Variants in PCGF5 observed in about 807,000 individuals in gnomAD.
PCGF5 encodes polycomb group ring finger 5, also known as polycomb group RING finger protein 5.
PCGF5 carries 9 observed loss-of-function variants against 44.3 expected under a neutral mutation model. The ratio of observed to expected loss-of-function variants is 0.20; its 90% CI spans 0.12 to 0.35. The LOEUF is 0.35. PCGF5 is among the 10% of genes least tolerant of loss of function. PCGF5 has a pLI of 1.00. For synonymous variants in PCGF5, 95 were observed against 102.5 expected (o/e 0.93, Z 0.44); for missense variants, 146 against 305.3 (o/e 0.48, Z 3.89).
intron 1 of PCGF5, among the ~76,000 whole-genome samples, chr10:91,195,198 A>C (rs80301840): frequency 6.6e-6 from 1 of 152,092 alleles, no homozygotes; most frequent in Non-Finnish European, 1.5e-5. Flanking sequence ...AGGCCCACTT[A>C]AAGTTTGTGG....
chr10:91,193,491 A>G (rs2133217335), intron 1 of PCGF5, among the ~76,000 whole-genome samples: 1 of 149,282 alleles, frequency 6.7e-6, no homozygotes, highest in African/African-American at 2.4e-5. Context: ...TTCTAGACAG[A>G]GAGAACAGTG....
chr10:91,278,373 C>T lies in PCGF5; in HGVS notation c.*57C>T. ...CCTGCACTATTTGTTTACTCGTCAA[C>T]AGATTGCACAGTTAACGGTGTGTGG... is the stretch of plus-strand genomic sequence containing the variant. On this transcript the variant is annotated 3_prime_UTR_variant, in exon 10 of 10. Transcript: ENST00000336126. 6.9e-7 allele frequency: 1 copy of T among 1,448,080 alleles called. No homozygotes were observed. Among genetic ancestry groups the T allele is most frequent in the Middle Eastern group, 1.7e-4 (1 of 5,758 alleles). 89.7% of individuals were successfully genotyped at this position (1,448,080 alleles called of 1,614,324 possible).
chr10:91,259,697 C>G (rs1047755797), intron 6 of PCGF5, among the ~76,000 whole-genome samples: 3 of 152,106 alleles, frequency 2.0e-5, no homozygotes, highest in Admixed American at 6.6e-5. Context: ...TTTGACAAAC[C>G]TGACAAAAAC....
intron 6 of PCGF5, among the ~76,000 whole-genome samples, chr10:91,257,349 G>A (rs1357464555): frequency 1.3e-5 from 2 of 152,028 alleles, no homozygotes; most frequent in African/African-American, 4.8e-5. Context: ...CTTATACGTT[G>A]CTAGTGGGAA....
Position 91,261,343 on chromosome 10 carries a change from C to G in PCGF5, c.492C>G (p.Phe164Leu). Reference sequence around the variant, plus strand: ...TCCTTTAGGGTTTAATGAAGAAATTCATTCGATGTTCTACACGTGTAACTG... The same window carrying G: ...TCCTTTAGGGTTTAATGAAGAAATTGATTCGATGTTCTACACGTGTAACTG... ...DNVVKGLMKK[F>L]IRCSTRVTVG... Residue 164 changes from phenylalanine to leucine, a missense_variant, in exon 7 of 10, where the codon TTC becomes TTG. Phe to Leu is a conservative substitution (Grantham distance 22, BLOSUM62 0). Around this residue, in one of 3 missense-constraint regions of PCGF5, gnomAD observed 123 missense variants for 268.6 expected, o/e 0.46. Coordinates refer to ENST00000336126, the MANE Select transcript of PCGF5 (RefSeq NM_032373.5). 1 of 1,495,028 alleles carries G rather than the reference C, an allele frequency of 6.7e-7. No individual in the cohort carries two copies. Among genetic ancestry groups the G allele is most frequent in the Non-Finnish European group, 9.0e-7 (1 of 1,110,430 alleles). The allele number at this position is 1,495,028 out of a possible 1,614,324, so 92.6% of individuals were successfully genotyped here.
intron 1 of PCGF5, among the ~76,000 whole-genome samples, chr10:91,164,378 A>G (rs183570820): frequency 1.3e-5 from 2 of 152,294 alleles, no homozygotes; most frequent in African/African-American, 4.8e-5. Context: ...TTCTCGAAAG[A>G]GTTACAAAAT....
At position 91,280,039 on chromosome 10, in the gene PCGF5, TACTTTA is replaced by T. The variant is rs1321717540; in HGVS notation, c.*1729_*1734del. On this transcript the variant is annotated 3_prime_UTR_variant, in exon 10 of 10. Transcript: ENST00000336126. ...ACTTTGGTGAAAAAGGTTATGGCAA[TACTTTA>T]ACTTTGTTTTGTTACATTGTTTTTG... 6.6e-6 allele frequency: 1 copy of T among 152,054 alleles called. No homozygotes were observed. The highest frequency in any genetic ancestry group is 2.4e-5 in the African/African-American group (1 of 41,430). 9.4% of individuals were successfully genotyped at this position (152,054 alleles called of 1,614,324 possible).
intron 1 of PCGF5, among the ~76,000 whole-genome samples, chr10:91,204,458 A>T (rs1306025124): frequency 6.6e-6 from 1 of 152,102 alleles, no homozygotes; most frequent in Non-Finnish European, 1.5e-5. Context: ...TAGAATGCAG[A>T]CTCTATGATG....
rs1843471412 is a variant in PCGF5, at chr10:91,164,874, AC to A, written c.-184+1794del. On this transcript the variant is annotated intron_variant, in intron 1 of 9. Transcript: ENST00000614189. ...CTGCGCTTAATCGCTATCTGATCTT[AC>A]TTTGTTTAGGAGTTCTTTTAGTCTG... Among the ~76,000 whole-genome samples, 3 of 152,220 alleles carry A rather than the reference AC, an allele frequency of 2.0e-5. No homozygotes were observed. The South Asian group carries it at 6.2e-4, about 32-fold the overall frequency.
intron 2 of PCGF5, among the ~76,000 whole-genome samples, chr10:91,234,747 A>G (rs1290472892): frequency 6.6e-6 from 1 of 152,164 alleles, no homozygotes; most frequent in Admixed American, 6.5e-5. Context: ...AACTTTACAT[A>G]TATTATCTCC....
At chr10:91,166,452 G>C (rs751412465) in intron 1 of PCGF5, among the ~76,000 whole-genome samples, 8 of 152,328 alleles carry the variant, frequency 5.3e-5, no homozygotes, top group Middle Eastern at 3.4e-3. Flanking sequence ...GAAGTTTTCT[G>C]ACAACAGAAT....
At chr10:91,204,935 T>G (rs1485305650) in intron 1 of PCGF5, among the ~76,000 whole-genome samples, 1 of 152,234 alleles carries the variant, frequency 6.6e-6, no homozygotes, top group African/African-American at 2.4e-5. Context: ...GAAATAATGT[T>G]TCTTAAAATT....
chr10:91,229,673 A>G (rs754318820), intron 2 of PCGF5, among the ~76,000 whole-genome samples: 20 of 152,126 alleles, frequency 1.3e-4, no homozygotes, highest in Non-Finnish European at 2.5e-4. Flanking sequence ...TGTTTTCATG[A>G]CTATGTAACT....
At chr10:91,251,736 G>T (rs1845628136) in intron 6 of PCGF5, among the ~76,000 whole-genome samples, 1 of 151,876 alleles carries the variant, frequency 6.6e-6, no homozygotes, top group South Asian at 2.1e-4. Flanking sequence ...TTAGAGTGGT[G>T]ACCAACTTAG....
chr10:91,164,119 C>G (rs1843450283), intron 1 of PCGF5, among the ~76,000 whole-genome samples: 1 of 140,714 alleles, frequency 7.1e-6, no homozygotes, highest in Non-Finnish European at 1.6e-5. Context: ...GGTACACACA[C>G]GCGCGCGTAC....
chr10:91,196,519 T>G (rs1022841542), intron 1 of PCGF5, among the ~76,000 whole-genome samples: 1 of 152,196 alleles, frequency 6.6e-6, no homozygotes, highest in African/African-American at 2.4e-5. Context: ...TTTCCATGGC[T>G]TCACAGTCAT....
intron 1 of PCGF5, among the ~76,000 whole-genome samples, chr10:91,210,554 A>T (rs762402419): frequency 6.6e-6 from 1 of 152,196 alleles, no homozygotes; most frequent in South Asian, 2.1e-4. Flanking sequence ...AGTGGTTGCT[A>T]TAGAAGCACA....
intron 2 of PCGF5, among the ~76,000 whole-genome samples, chr10:91,235,202 A>G (rs1267725221): frequency 1.3e-5 from 2 of 152,090 alleles, no homozygotes. Context: ...GATATTCTGA[A>G]TTAATTGGTC....
At chr10:91,224,096 T>TA (rs1278718042) in intron 2 of PCGF5, among the ~76,000 whole-genome samples, 1 of 152,220 alleles carries the variant, frequency 6.6e-6, no homozygotes, top group East Asian at 1.9e-4. Context: ...ACATTTATGT[T>TA]ACATTTATTT....
Sources: allele counts gnomAD v4.1 joint callset (sites outside exome capture counted in the v4.1 genomes callset), GRCh38; gene constraint gnomAD v4.1.1; regional missense constraint gnomAD v4.1.1; transcripts MANE v1.5; gene names NCBI Gene and HGNC (gene_info 2026-07-23, HGNC 2026-07-21).